SNCAIP: variants seen among roughly 807,000 people sequenced by gnomAD.
SNCAIP encodes synuclein alpha interacting protein, also known as synphilin-1.
SNCAIP carries 43 observed loss-of-function variants against 86.7 expected under a neutral mutation model. That is an observed-to-expected ratio of 0.50 (90% confidence interval 0.39 to 0.64). The LOEUF is 0.64. SNCAIP is among the 30% of genes least tolerant of loss of function. The probability of loss-of-function intolerance (pLI) is 0.00; values close to 1 mark genes in which losing one functional copy is unlikely to be tolerated. For missense variants in SNCAIP, 981 were observed against 1,103.1 expected (o/e 0.89, Z 1.57); for synonymous variants, 417 against 427.2 (o/e 0.98, Z 0.29).
chr5:122,407,436 C>T (rs1468894060), intron 3 of SNCAIP, among the ~76,000 whole-genome samples: 1 of 152,124 alleles, frequency 6.6e-6, no homozygotes, highest in South Asian at 2.1e-4. Context: ...GGGTCAGACT[C>T]CTTGGGGAGT....
At chr5:122,378,482 T>C (rs1178416513) in intron 1 of SNCAIP, among the ~76,000 whole-genome samples, 1 of 141,202 alleles carries the variant, frequency 7.1e-6, no homozygotes, top group Non-Finnish European at 1.5e-5. Flanking sequence ...TTCTCTCATT[T>C]TGTAGGTTGC....
chr5:122,401,091 G>A lies in SNCAIP; in HGVS notation c.58-2702G>A, dbSNP rs1040916481. 4.5e-5 allele frequency: 70 copies of A among 1,550,040 alleles called. 1 individual carries two copies. In the East Asian group the frequency reaches 1.7e-3, roughly 38 times the overall value. ...CCATAGGGCCAAACTGACAGTAGTT[G>A]CTGCCCTGGGAGCTTGCCATTGTCC... is the stretch of plus-strand genomic sequence containing the variant. On this transcript the variant is annotated intron_variant, in intron 2 of 10. Coordinates refer to ENST00000261368, the MANE Select transcript of SNCAIP (RefSeq NM_005460.4).
rs1769268535 is a variant in SNCAIP at position 122,391,194 on chromosome 5, A to G, written c.57+3A>G. Reference sequence around the variant, plus strand: ...TTGACTTTAGTGATGACATATCTGTAAGTACCACTGTATACAAGAAATGCT... The same window carrying G: ...TTGACTTTAGTGATGACATATCTGTGAGTACCACTGTATACAAGAAATGCT... On this transcript the variant is annotated splice_donor_region_variant and intron_variant, in intron 2 of 10. Coordinates refer to ENST00000261368, the MANE Select transcript of SNCAIP (RefSeq NM_005460.4). 3 of 1,590,146 alleles carry G rather than the reference A, an allele frequency of 1.9e-6. No individual in the cohort carries two copies. Among genetic ancestry groups the G allele is most frequent in the Non-Finnish European group, 2.6e-6 (3 of 1,158,378 alleles).
chr5:122,389,816 A>C (rs1768955821), intron 1 of SNCAIP: 1 of 152,134 alleles, frequency 6.6e-6, no homozygotes, highest in Non-Finnish European at 1.5e-5. Context: ...TGGTATATAC[A>C]TATGGGAAAA....
intron 1 of SNCAIP, among the ~76,000 whole-genome samples, chr5:122,333,816 T>C (rs546577141): frequency 6.6e-6 from 1 of 152,174 alleles, no homozygotes; most frequent in African/African-American, 2.4e-5. Flanking sequence ...GCCTTAAAGA[T>C]TATTAATTGC....
intron 6 of SNCAIP, among the ~76,000 whole-genome samples, chr5:122,435,526 C>A (rs1779238637): frequency 6.6e-6 from 1 of 152,198 alleles, no homozygotes; most frequent in Non-Finnish European, 1.5e-5. Context: ...GTTTCTGAAT[C>A]ATTCATGTGA....
intron 1 of SNCAIP, among the ~76,000 whole-genome samples, chr5:122,357,053 T>G (rs1381035299): frequency 1.3e-5 from 2 of 152,162 alleles, no homozygotes; most frequent in Non-Finnish European, 2.9e-5. Context: ...TGCCTCCTGA[T>G]ACTCTCGCAG....
chr5:122,425,911 T>TC (rs1360426023), intron 5 of SNCAIP, among the ~76,000 whole-genome samples: 13 of 152,200 alleles, frequency 8.5e-5, no homozygotes, highest in African/African-American at 3.1e-4. Flanking sequence ...ATGCTAGCAC[T>TC]CGGGAGTATT....
chr5:122,439,927 T>A (rs1210107913), intron 6 of SNCAIP, among the ~76,000 whole-genome samples: 1 of 152,228 alleles, frequency 6.6e-6, no homozygotes, highest in African/African-American at 2.4e-5. Context: ...ATACTGTGAC[T>A]GCTCTATGTC....
chr5:122,373,015 A>G (rs913333032), intron 1 of SNCAIP, among the ~76,000 whole-genome samples: 22 of 152,076 alleles, frequency 1.4e-4, no homozygotes, highest in African/African-American at 4.3e-4. Flanking sequence ...TTAATTTGTC[A>G]TTTTGTTATT....
chr5:122,362,214 C>T (rs1762339965), intron 1 of SNCAIP, among the ~76,000 whole-genome samples: 1 of 152,152 alleles, frequency 6.6e-6, no homozygotes, highest in Non-Finnish European at 1.5e-5. Flanking sequence ...TCACAATGCC[C>T]TCAGATAAAA....
At chr5:122,446,087 A>T (rs527432927) in intron 8 of SNCAIP, among the ~76,000 whole-genome samples, 13 of 152,306 alleles carry the variant, frequency 8.5e-5, no homozygotes, top group African/African-American at 2.9e-4. Context: ...CAAGGTCTCA[A>T]CGTAATCACA....
At chr5:122,366,507 G>C (rs1436705065) in intron 1 of SNCAIP, among the ~76,000 whole-genome samples, 1 of 152,218 alleles carries the variant, frequency 6.6e-6, no homozygotes, top group Non-Finnish European at 1.5e-5. Flanking sequence ...ATATCTGAGA[G>C]TAAATAGGCA....
chr5:122,374,882 T>C (rs888281876), intron 1 of SNCAIP, among the ~76,000 whole-genome samples: 3 of 152,140 alleles, frequency 2.0e-5, no homozygotes, highest in Non-Finnish European at 2.9e-5. Context: ...TCTTATGTTG[T>C]TTTTGAAATG....
chr5:122,350,021 C>A (rs1378025630), intron 1 of SNCAIP, among the ~76,000 whole-genome samples: 1 of 152,094 alleles, frequency 6.6e-6, no homozygotes, highest in African/African-American at 2.4e-5. Context: ...AGACACCCAG[C>A]AAGTTCTTAT....
At position 122,425,546 on chromosome 5, in the gene SNCAIP, G is replaced by A. The variant is rs1395245087; in HGVS notation, c.1182+15G>A. ...TGGCCATTAAGGTGACTGGTTGGGG[G>A]CTGGAACCTCCACAGCTAGAAGCTG... On this transcript the variant is annotated intron_variant, in intron 5 of 10. Coordinates refer to ENST00000261368, the MANE Select transcript of SNCAIP (RefSeq NM_005460.4). The A allele has an allele frequency of 1.9e-6, 3 of 1,608,650 alleles. No homozygotes were observed. The highest frequency in any genetic ancestry group is 2.6e-6 in the Non-Finnish European group (3 of 1,175,158).
intron 1 of SNCAIP, among the ~76,000 whole-genome samples, chr5:122,330,595 G>T (rs577533363): frequency 4.6e-5 from 7 of 152,216 alleles, no homozygotes; most frequent in Admixed American, 3.3e-4. Context: ...CATTGTGAGG[G>T]TACAGTCTAA....
intron 8 of SNCAIP, among the ~76,000 whole-genome samples, chr5:122,449,607 C>A (rs1204294193): frequency 6.6e-6 from 1 of 152,104 alleles, no homozygotes; most frequent in Non-Finnish European, 1.5e-5. Flanking sequence ...AGACTTACTG[C>A]TAAGCATTTA....
chr5:122,444,722 C>T lies in SNCAIP; in HGVS notation c.1582C>T (p.Gln528Ter). Reference protein sequence around the residue: ...LASQVVKLTKQLKEQTVERVT... With the variant: ...LASQVVKLTK ...CTCTCAAGTGGTGAAGTTAACCAAG[C>T]AGCTAAAGGAGTAAGTGGCCTGTTG... Residue 528 changes from glutamine to a stop codon, truncating the protein, a stop_gained, in exon 8 of 11, where the codon CAG becomes TAG. Transcript: ENST00000261368. LOFTEE classifies it high-confidence loss of function. 6.2e-7 allele frequency: 1 copy of T among 1,613,714 alleles called. No individual in the cohort carries two copies. The highest frequency in any genetic ancestry group is 8.5e-7 in the Non-Finnish European group (1 of 1,179,674).
Sources: gnomAD v4.1 joint callset for allele counts (sites outside exome capture counted in the v4.1 genomes callset) on GRCh38, gnomAD v4.1.1 for gene constraint, MANE v1.5 for transcripts, NCBI Gene and HGNC (gene_info 2026-07-23, HGNC 2026-07-21) for gene names.